The following NEDD4L variants were observed in gnomAD, a reference collection of about 807,000 sequenced individuals.
NEDD4L encodes the protein NEDD4 like E3 ubiquitin protein ligase, also known as E3 ubiquitin-protein ligase NEDD4-like.
In NEDD4L, 54 loss-of-function variants were observed where a neutral mutation model predicts 148.9. That is an observed-to-expected ratio of 0.36 (90% CI 0.29 to 0.45). NEDD4L has a LOEUF of 0.45. Ranked by LOEUF, NEDD4L falls within the 20% of genes least tolerant of loss-of-function variation. NEDD4L has a pLI of 1.00. For synonymous variants in NEDD4L, 433 were observed against 440.7 expected (o/e 0.98, Z 0.22); for missense variants, 856 against 1,233.8 (o/e 0.69, Z 4.59).
chr18:58,143,715 G>A (rs900297071), intron 1 of NEDD4L, among the ~76,000 whole-genome samples: 5 of 152,186 alleles, frequency 3.3e-5, no homozygotes, highest in African/African-American at 1.2e-4. Context: ...TCAGGAAGCA[G>A]AATTAATCCT....
At chr18:58,148,481 T>G (rs901924717) in intron 1 of NEDD4L, among the ~76,000 whole-genome samples, 5 of 152,184 alleles carry the variant, frequency 3.3e-5, no homozygotes, top group African/African-American at 1.2e-4. Context: ...CCCGCACAGT[T>G]CTGAAGGCCA....
At chr18:58,349,513 C>G in intron 16 of NEDD4L, 24 bp from the exon 17 acceptor site, 3 of 1,597,140 alleles carry the variant, frequency 1.9e-6, no homozygotes, top group Non-Finnish European at 1.7e-6. Flanking sequence ...TTAGCATCTA[C>G]TGTCTTTTAC....
At chr18:58,296,570 C>G (rs879406894) in intron 5 of NEDD4L, among the ~76,000 whole-genome samples, 1 of 152,194 alleles carries the variant, frequency 6.6e-6, no homozygotes. Flanking sequence ...CAGCCTCTGC[C>G]GCTGGGGCTG....
intron 5 of NEDD4L, among the ~76,000 whole-genome samples, chr18:58,309,259 C>T (rs370308017): frequency 6.6e-6 from 1 of 152,174 alleles, no homozygotes; most frequent in Non-Finnish European, 1.5e-5. Context: ...CGGATGCTCC[C>T]GTGCTGGCCA....
At chr18:58,240,175 AT>A (rs34307554) in intron 2 of NEDD4L, among the ~76,000 whole-genome samples, 4 of 150,368 alleles carry the variant, frequency 2.7e-5, no homozygotes, top group Admixed American at 2.0e-4. Flanking sequence ...TCACCCTTGT[AT>A]TTTTTTTTCA....
At position 58,112,103 on chromosome 18, in the gene NEDD4L, T is replaced by C. The variant is rs377389082; in HGVS notation, c.49-53685T>C. On this transcript the variant is annotated intron_variant, in intron 1 of 30. Coordinates refer to ENST00000400345, the MANE Select transcript of NEDD4L (RefSeq NM_001144967.3). ...TCATTAACTTGTGTAGATTTATCCA[T>C]GTTTGGCTGTTTATGAGGATTTGTC... Among the ~76,000 whole-genome samples the C allele has an allele frequency of 5.3e-5, 8 of 152,262 alleles. No homozygotes were observed. The East Asian group carries it at 7.7e-4, about 15-fold the overall frequency.
intron 5 of NEDD4L, chr18:58,255,336 A>T: frequency 3.7e-6 from 1 of 268,706 alleles, no homozygotes; most frequent in Non-Finnish European, 6.6e-6. Flanking sequence ...AAAAAGAGCG[A>T]GTAGGGGAAA....
intron 1 of NEDD4L, among the ~76,000 whole-genome samples, chr18:58,147,720 G>A (rs2034247526): frequency 6.6e-6 from 1 of 152,150 alleles, no homozygotes; most frequent in Non-Finnish European, 1.5e-5. Flanking sequence ...GTGTGTATTT[G>A]CCGATTCTAT....
At chr18:58,313,250 T>C (rs1251328031) in intron 5 of NEDD4L, among the ~76,000 whole-genome samples, 2 of 150,212 alleles carry the variant, frequency 1.3e-5, no homozygotes, top group Non-Finnish European at 2.9e-5. Context: ...AATTGTCTCA[T>C]CTTTTACTGT....
chr18:58,324,604 A>AC (rs2059145789), intron 8 of NEDD4L, among the ~76,000 whole-genome samples: 1 of 152,222 alleles, frequency 6.6e-6, no homozygotes, highest in Non-Finnish European at 1.5e-5. Flanking sequence ...TGGCAGCTGT[A>AC]CTGTGACGCA....
At chr18:58,046,761 T>G (rs948332959) in intron 1 of NEDD4L, 3 of 152,224 alleles carry the variant, frequency 2.0e-5, no homozygotes, top group African/African-American at 4.8e-5. Context: ...AATTTGGGGC[T>G]GTATAGGAAA....
intron 18 of NEDD4L, among the ~76,000 whole-genome samples, chr18:58,355,174 G>A (rs970790697): frequency 6.6e-6 from 1 of 152,144 alleles, no homozygotes; most frequent in African/African-American, 2.4e-5. Flanking sequence ...ACTGGGGTTG[G>A]GGGGTGAGAC....
intron 25 of NEDD4L, among the ~76,000 whole-genome samples, chr18:58,384,473 TAC>T (rs2048749447): frequency 6.6e-6 from 1 of 152,228 alleles, no homozygotes; most frequent in African/African-American, 2.4e-5. Context: ...CTTCAGAAAG[TAC>T]AGACTGTGAG....
chr18:58,258,913 G>A (rs924843964), intron 5 of NEDD4L, among the ~76,000 whole-genome samples: 10 of 152,186 alleles, frequency 6.6e-5, no homozygotes, highest in East Asian at 1.9e-4. Flanking sequence ...TCACTTGGGC[G>A]TCTACAGTCT....
chr18:58,277,942 C>T lies in NEDD4L; in HGVS notation c.297+25888C>T, dbSNP rs559679329. The stretch of plus-strand genomic sequence containing the variant: ...GTGTTTTATACATACCCAAGGGATT[C>T]CAACACAGGGTGTCCATGGTCCTCT... On this transcript the variant is annotated intron_variant, in intron 5 of 30. Transcript: ENST00000400345. 1.6e-3 allele frequency among the ~76,000 whole-genome samples: 242 copies of T among 152,180 alleles called. 2 individuals carry two copies. The highest frequency in any genetic ancestry group is 5.7e-3 in the African/African-American group (235 of 41,514).
chr18:58,127,765 C>T (rs561168608), intron 1 of NEDD4L, among the ~76,000 whole-genome samples: 9 of 139,176 alleles, frequency 6.5e-5, no homozygotes, highest in African/African-American at 1.1e-4. Context: ...GGTGTGAACA[C>T]GGGAGGCGGA....
In NEDD4L at chr18:58,234,121, CCTTCT is replaced by C. The variant is rs780951638; in HGVS notation, c.123-11305_123-11301del. Reference sequence around the variant, plus strand: ...TCTTTCTTTTCTTTTCTTTTCTTTTCCTTCTTTTTTTCTTTCTTTCTCTCTCTCTT... The same window carrying C: ...TCTTTCTTTTCTTTTCTTTTCTTTTCTTTTTTCTTTCTTTCTCTCTCTCTT... On this transcript the variant is annotated intron_variant, in intron 2 of 30. Coordinates refer to ENST00000400345, the MANE Select transcript of NEDD4L (RefSeq NM_001144967.3). 3.6e-4 allele frequency among the ~76,000 whole-genome samples: 10 copies of C among 27,926 alleles called. No individual in the cohort carries two copies. In the South Asian group the frequency reaches 4.9e-3, roughly 14 times the overall value. 18.3% of individuals were successfully genotyped at this position (27,926 alleles called of 152,430 possible).
chr18:58,363,135 C>T lies in NEDD4L; in HGVS notation c.1768-1133C>T, dbSNP rs765378975. ...CTGGAATTACAGAGCAAAACACTGACGTGCTCATTTTCTGGAAGAGTGGTT... is the reference window on the plus strand; with the variant it reads ...CTGGAATTACAGAGCAAAACACTGATGTGCTCATTTTCTGGAAGAGTGGTT... On this transcript the variant is annotated intron_variant, in intron 19 of 30. Transcript: ENST00000400345. Among the ~76,000 whole-genome samples, 9 of 152,014 alleles carry T rather than the reference C, an allele frequency of 5.9e-5. No homozygotes were observed. The South Asian group carries it at 8.3e-4, about 14-fold the overall frequency.
At chr18:58,229,371 C>T (rs2044782650) in intron 2 of NEDD4L, among the ~76,000 whole-genome samples, 1 of 152,034 alleles carries the variant, frequency 6.6e-6, no homozygotes, top group Non-Finnish European at 1.5e-5. Context: ...AACTGCTGCC[C>T]CAGCATAGCA....
Sources: allele counts gnomAD v4.1 joint callset (sites outside exome capture counted in the v4.1 genomes callset), GRCh38; gene constraint gnomAD v4.1.1; transcripts MANE v1.5; gene names NCBI Gene and HGNC (gene_info 2026-07-23, HGNC 2026-07-21).